Variants in SLC12A8 observed in about 807,000 individuals in gnomAD.
SLC12A8 encodes the protein cation-chloride cotransporter 9.
Under a neutral mutation model 75.6 loss-of-function variants are expected in SLC12A8, and 69 were observed. That is an observed-to-expected ratio of 0.91 (90% CI 0.75 to 1.11). SLC12A8 has a LOEUF of 1.11. Ranked by LOEUF, SLC12A8 falls within the 50% of genes most tolerant of loss-of-function variation. The pLI, the probability that SLC12A8 is intolerant of heterozygous loss-of-function variation, is 0.00. For missense variants in SLC12A8, 877 were observed against 896.7 expected (o/e 0.98, Z 0.28); for synonymous variants, 365 against 372.8 (o/e 0.98, Z 0.24).
intron 10 of SLC12A8, among the ~76,000 whole-genome samples, chr3:125,102,440 A>G (rs1394089477): frequency 6.6e-6 from 1 of 152,172 alleles, no homozygotes; most frequent in Admixed American, 6.5e-5. Flanking sequence ...CTTTACACGG[A>G]AGGGGTTAAA....
At chr3:125,115,764 C>A (rs184104376) in intron 8 of SLC12A8, among the ~76,000 whole-genome samples, 1 of 151,746 alleles carries the variant, frequency 6.6e-6, no homozygotes, top group East Asian at 1.9e-4. Flanking sequence ...TGTGAACGAG[C>A]GCCAAGGAGA....
chr3:125,121,338 T>C (rs1933053996), intron 6 of SLC12A8, among the ~76,000 whole-genome samples: 1 of 152,218 alleles, frequency 6.6e-6, no homozygotes, highest in African/African-American at 2.4e-5. Flanking sequence ...CCTCTTCCCA[T>C]ACAAACAAAT....
At chr3:125,140,986 C>T (rs1325011419) in intron 5 of SLC12A8, among the ~76,000 whole-genome samples, 1 of 152,150 alleles carries the variant, frequency 6.6e-6, no homozygotes, top group African/African-American at 2.4e-5. Context: ...GTCTTGTGGT[C>T]TGGGGTCCTG....
intron 2 of SLC12A8, among the ~76,000 whole-genome samples, chr3:125,192,882 C>T (rs1021364952): frequency 6.6e-6 from 1 of 151,910 alleles, no homozygotes; most frequent in African/African-American, 2.4e-5. Flanking sequence ...AGGGAGTAAC[C>T]CTGATGTTCT....
chr3:125,085,996 C>T (rs1938450976), intron 13 of SLC12A8, among the ~76,000 whole-genome samples: 1 of 152,012 alleles, frequency 6.6e-6, no homozygotes, highest in African/African-American at 2.4e-5. Flanking sequence ...CCTCCGCCTC[C>T]CGGGTTCAAG....
chr3:125,135,622 ATGTAT>A (rs1933467838), intron 6 of SLC12A8, 42 bp downstream of exon 6: 1 of 1,279,346 alleles, frequency 7.8e-7, no homozygotes, highest in Non-Finnish European at 1.1e-6. Context: ...GGAACCAAGA[ATGTAT>A]ACCCCTAATT....
intron 2 of SLC12A8, among the ~76,000 whole-genome samples, chr3:125,205,624 G>T (rs1038338101): frequency 2.6e-5 from 4 of 152,204 alleles, no homozygotes; most frequent in Admixed American, 6.5e-5. Flanking sequence ...AGGATCTGCT[G>T]TTACTTCTCT....
Position 125,211,414 on chromosome 3 carries a change from T to C in SLC12A8, c.-45-20A>G, listed in dbSNP as rs1935335180. The C allele has an allele frequency of 2.2e-6, 3 of 1,362,592 alleles. No homozygotes were observed. The highest frequency in any genetic ancestry group is 3.2e-6 in the Non-Finnish European group (3 of 951,720). 84.4% of individuals were successfully genotyped at this position (1,362,592 alleles called of 1,614,324 possible). ...ACTGCTCTGGAAGGTAACAGCATCC[T>C]TGGTCAGGCTGGCTTCTCCTCTCCT... On this transcript the variant is annotated intron_variant, in intron 1 of 13. Coordinates refer to ENST00000469902, the MANE Select transcript of SLC12A8 (RefSeq NM_024628.6).
chr3:125,202,991 G>A (rs901850401), intron 2 of SLC12A8, among the ~76,000 whole-genome samples: 1 of 150,596 alleles, frequency 6.6e-6, no homozygotes, highest in Non-Finnish European at 1.5e-5. Flanking sequence ...GGGAGGCTGA[G>A]GCAGGAGAAT....
chr3:125,095,494 G>T lies in SLC12A8; in HGVS notation c.1706-3296C>A, dbSNP rs528161453. On this transcript the variant is annotated intron_variant, in intron 10 of 13. Transcript: ENST00000469902. ...CATCTTTCATCCATTTACTGCAGCG[G>T]GCTCCTGTGGTACAGACCCCAGCTA... 9.9e-5 allele frequency among the ~76,000 whole-genome samples: 15 copies of T among 152,236 alleles called. No individual in the cohort carries two copies. In the South Asian group the frequency reaches 3.1e-3, roughly 32 times the overall value.
intron 5 of SLC12A8, among the ~76,000 whole-genome samples, chr3:125,163,634 T>C (rs1336781614): frequency 6.6e-6 from 1 of 151,468 alleles, no homozygotes; most frequent in Non-Finnish European, 1.5e-5. Flanking sequence ...GAAAAAGAAA[T>C]GCTACTTGGT....
chr3:125,160,703 G>T (rs971008851), intron 5 of SLC12A8, among the ~76,000 whole-genome samples: 3 of 152,204 alleles, frequency 2.0e-5, no homozygotes, highest in Non-Finnish European at 4.4e-5. Context: ...TAGCCTGCTG[G>T]TGGGCTGTCA....
intron 6 of SLC12A8, among the ~76,000 whole-genome samples, chr3:125,130,349 T>C (rs953682189): frequency 2.6e-5 from 4 of 151,574 alleles, no homozygotes; most frequent in Non-Finnish European, 5.9e-5. Flanking sequence ...CTTTTGGAGG[T>C]GGGAGGTCGA....
intron 6 of SLC12A8, among the ~76,000 whole-genome samples, chr3:125,128,613 G>C (rs930758363): frequency 3.9e-5 from 6 of 152,138 alleles, no homozygotes; most frequent in South Asian, 4.2e-4. Context: ...CCGAGTAGCT[G>C]GGACTACAGG....
At chr3:125,138,220 G>A (rs1933541524) in intron 5 of SLC12A8, among the ~76,000 whole-genome samples, 1 of 152,036 alleles carries the variant, frequency 6.6e-6, no homozygotes, top group East Asian at 1.9e-4. Flanking sequence ...TGGCCAAAAG[G>A]TGAAACCCCA....
chr3:125,144,883 G>A (rs1277605583), intron 5 of SLC12A8, among the ~76,000 whole-genome samples: 1 of 152,042 alleles, frequency 6.6e-6, no homozygotes, highest in African/African-American at 2.4e-5. Context: ...TCAACACACC[G>A]ATATGTAAGC....
At chr3:125,100,199 G>C (rs1407651541) in intron 10 of SLC12A8, among the ~76,000 whole-genome samples, 1 of 152,096 alleles carries the variant, frequency 6.6e-6, no homozygotes, top group African/African-American at 2.4e-5. Context: ...GTCCCACAGG[G>C]ACAGGAGAAA....
chr3:125,142,629 G>T (rs1933676437), intron 5 of SLC12A8, among the ~76,000 whole-genome samples: 1 of 152,224 alleles, frequency 6.6e-6, no homozygotes, highest in Admixed American at 6.5e-5. Context: ...CTGTAAACAA[G>T]CCCTTTTCCC....
At chr3:125,211,087 C>T (rs1935328605) in intron 2 of SLC12A8, among the ~76,000 whole-genome samples, 1 of 152,180 alleles carries the variant, frequency 6.6e-6, no homozygotes. Context: ...AAATCCACCA[C>T]AAATAATGCC....
Sources: gnomAD v4.1 joint callset for allele counts (sites outside exome capture counted in the v4.1 genomes callset) on GRCh38, gnomAD v4.1.1 for gene constraint, MANE v1.5 for transcripts, NCBI Gene and HGNC (gene_info 2026-07-23, HGNC 2026-07-21) for gene names.